The following PCDHA13 variants were observed in gnomAD, a reference collection of about 807,000 sequenced individuals.
The protein encoded by PCDHA13 is protocadherin alpha 13.
PCDHA13 carries 54 observed loss-of-function variants against 64.8 expected under a neutral mutation model. The ratio of observed to expected loss-of-function variants is 0.83; its 90% CI spans 0.67 to 1.04. The LOEUF is 1.04. Ranked by LOEUF, PCDHA13 falls within the 50% of genes least tolerant of loss-of-function variation. PCDHA13 has a pLI of 0.00. For missense variants in PCDHA13, 1,248 were observed against 1,254.3 expected (o/e 0.99, Z 0.08); for synonymous variants, 587 against 564.4 (o/e 1.04, Z -0.57).
chr5:141,006,620 T>C (rs1237251555), intron 3 of PCDHA13, among the ~76,000 whole-genome samples: 3 of 152,148 alleles, frequency 2.0e-5, no homozygotes, highest in Admixed American at 6.5e-5. Context: ...ATAAGGAGAC[T>C]ATTGCTGCAA....
intron 1 of PCDHA13, 43 bp downstream of exon 1, chr5:140,884,705 C>G (rs1156324848): frequency 3.4e-6 from 5 of 1,491,236 alleles, no homozygotes; most frequent in African/African-American, 1.4e-5. Flanking sequence ...AACACTTTAG[C>G]CTTCCTTGCA....
intron 1 of PCDHA13, among the ~76,000 whole-genome samples, chr5:140,895,594 T>C (rs2065067713): frequency 6.6e-6 from 1 of 152,228 alleles, no homozygotes; most frequent in Admixed American, 6.5e-5. Flanking sequence ...GATATATAAT[T>C]TGCAAAGATT....
chr5:140,995,787 T>C (rs2097697894), intron 3 of PCDHA13, among the ~76,000 whole-genome samples: 1 of 152,152 alleles, frequency 6.6e-6, no homozygotes, highest in Non-Finnish European at 1.5e-5. Context: ...AGGTTTAAAA[T>C]TTGTCTCATG....
At chr5:140,985,154 G>T (rs2097139142) in intron 3 of PCDHA13, among the ~76,000 whole-genome samples, 1 of 152,086 alleles carries the variant, frequency 6.6e-6, no homozygotes, top group South Asian at 2.1e-4. Flanking sequence ...AGCCAGGATT[G>T]TCTCAATCTC....
intron 1 of PCDHA13, among the ~76,000 whole-genome samples, chr5:140,897,824 A>G (rs1234550995): frequency 2.6e-5 from 4 of 152,016 alleles, no homozygotes; most frequent in African/African-American, 9.7e-5. Flanking sequence ...AAGTGTTCCT[A>G]TTTCTCCACA....
At chr5:140,983,904 C>T (rs1227752084) in intron 3 of PCDHA13, among the ~76,000 whole-genome samples, 2 of 152,164 alleles carry the variant, frequency 1.3e-5, no homozygotes, top group African/African-American at 4.8e-5. Context: ...TTCGTTGATT[C>T]TAATCAGCCA....
intron 1 of PCDHA13, among the ~76,000 whole-genome samples, chr5:140,941,693 G>C (rs2093147737): frequency 6.6e-6 from 1 of 151,900 alleles, no homozygotes; most frequent in South Asian, 2.1e-4. Flanking sequence ...TTACCTCTTT[G>C]GGCTTAGCTT....
intron 1 of PCDHA13, among the ~76,000 whole-genome samples, chr5:140,903,753 A>ACTTGATGACCCATAGTCAAATGTTCAG (rs2070561730): frequency 2.0e-5 from 3 of 152,186 alleles, no homozygotes; most frequent in Non-Finnish European, 4.4e-5. Flanking sequence ...GTTTCCCTTG[A>ACTTGATGACCCATAGTCAAATGTTCAG]TTTTTGCTGA....
chr5:140,928,657 G>A (rs781811102), intron 1 of PCDHA13: 11 of 1,614,102 alleles, frequency 6.8e-6, no homozygotes, highest in Non-Finnish European at 9.3e-6. Context: ...AGAGGATGCT[G>A]ACAGTGGTTC....
At chr5:140,944,846 G>A (rs269554) in intron 1 of PCDHA13, among the ~76,000 whole-genome samples, 33,882 of 151,952 alleles carry the variant, frequency 0.22, 4,860 homozygotes, top group African/African-American at 0.41. Context: ...TGAGATATTA[G>A]AATCATCCTT....
chr5:140,997,668 T>TTGTGTGTGTGTG (rs35184029), intron 3 of PCDHA13, among the ~76,000 whole-genome samples: 18 of 148,344 alleles, frequency 1.2e-4, no homozygotes, highest in Middle Eastern at 3.4e-3. Flanking sequence ...ATTATACAGC[T>TTGTGTGTGTGTG]TGTGTGTGTG....
chr5:140,925,069 C>T (rs1240618705), intron 1 of PCDHA13, among the ~76,000 whole-genome samples: 1 of 149,418 alleles, frequency 6.7e-6, no homozygotes, highest in Non-Finnish European at 1.5e-5. Context: ...AACAAAGCAA[C>T]ACGCTCATCT....
rs782362312 is a variant in PCDHA13 at position 140,884,131 on chromosome 5, G to T, written c.1863G>T (p.Pro621=). 4 of 1,613,396 alleles carry T rather than the reference G, an allele frequency of 2.5e-6. No individual in the cohort carries two copies. In the South Asian group the frequency reaches 3.3e-5, roughly 13 times the overall value. Residue 621 remains proline (P), a synonymous_variant, in exon 1 of 4, where the codon CCG becomes CCT. Coordinates refer to ENST00000289272, the MANE Select transcript of PCDHA13 (RefSeq NM_018904.3). The part of the protein sequence containing the change: ...LQLAAVGARI[P]FRVGLYTGEI... ...TGGCGGCGGTCGGCGCGCGCATCCCGTTCCGCGTGGGGCTGTACACTGGCG... is the reference window on the plus strand; with the variant it reads ...TGGCGGCGGTCGGCGCGCGCATCCCTTTCCGCGTGGGGCTGTACACTGGCG...
chr5:140,900,634 A>G (rs918199903), intron 1 of PCDHA13, among the ~76,000 whole-genome samples: 7 of 152,152 alleles, frequency 4.6e-5, no homozygotes, highest in Non-Finnish European at 1.0e-4. Flanking sequence ...AATCTTGGCT[A>G]TTGTGAACAC....
intron 1 of PCDHA13, among the ~76,000 whole-genome samples, chr5:140,886,716 C>T (rs1160663504): frequency 1.3e-5 from 2 of 151,034 alleles, no homozygotes; most frequent in Non-Finnish European, 2.9e-5. Flanking sequence ...ATCCCAGCTA[C>T]TTGGGAGGCT....
At chr5:140,951,822 C>T (rs926525028) in intron 1 of PCDHA13, among the ~76,000 whole-genome samples, 11 of 152,152 alleles carry the variant, frequency 7.2e-5, no homozygotes, top group African/African-American at 2.7e-4. Flanking sequence ...AAAGTCTGAA[C>T]TCATTCCAGC....
At chr5:140,977,246 C>T (rs939682133) in intron 1 of PCDHA13, among the ~76,000 whole-genome samples, 1 of 152,172 alleles carries the variant, frequency 6.6e-6, no homozygotes, top group Non-Finnish European at 1.5e-5. Flanking sequence ...AAATTGGCAA[C>T]ATTTCTCAGC....
At chr5:140,985,531 C>T (rs542453995) in intron 3 of PCDHA13, among the ~76,000 whole-genome samples, 102 of 152,254 alleles carry the variant, frequency 6.7e-4, no homozygotes, top group African/African-American at 1.9e-3. Context: ...TAAAGCTTCA[C>T]GGTGAAGATG....
chr5:140,934,040 T>C (rs185239175), intron 1 of PCDHA13, among the ~76,000 whole-genome samples: 230 of 152,238 alleles, frequency 1.5e-3, no homozygotes, highest in African/African-American at 5.3e-3. Flanking sequence ...ATTAATGATA[T>C]TAGTCTTTCC....
Sources: allele counts gnomAD v4.1 joint callset (sites outside exome capture counted in the v4.1 genomes callset), GRCh38; gene constraint gnomAD v4.1.1; transcripts MANE v1.5; gene names NCBI Gene and HGNC (gene_info 2026-07-23, HGNC 2026-07-21).